TTC21A: variants seen among roughly 807,000 people sequenced by gnomAD.
TTC21A encodes tetratricopeptide repeat protein 21A.
TTC21A carries 128 observed loss-of-function variants against 156.4 expected under a neutral mutation model. The observed-to-expected ratio is 0.82, with a 90% CI of 0.71 to 0.95. The LOEUF is 0.95. Among genes scored for constraint, TTC21A ranks in the 40% least tolerant of loss-of-function variants. The pLI is 0.00. For missense variants in TTC21A, 1,435 were observed against 1,602.3 expected (o/e 0.90, Z 1.78); for synonymous variants, 587 against 617.1 (o/e 0.95, Z 0.72).
rs755470138 is a variant in TTC21A, at chr3:39,128,731, C to G, written c.1695C>G (p.Pro565=). Residue 565 remains proline (P), a synonymous_variant, in exon 14 of 29, where the codon CCC becomes CCG. Transcript: ENST00000683103. ...GCTCCTCCTAGGTCCGAGATCACCCCCTCTACCACCTCATCAAGGCCAGGG... is the reference window on the plus strand; with the variant it reads ...GCTCCTCCTAGGTCCGAGATCACCCGCTCTACCACCTCATCAAGGCCAGGG... ...VSHNFQVRDH[P]LYHLIKARAL... is the part of the protein sequence containing the mutation. 1.2e-6 allele frequency: 2 copies of G among 1,614,016 alleles called. No homozygotes were observed. The highest frequency in any genetic ancestry group is 1.1e-5 in the South Asian group (1 of 91,088).
At position 39,138,445 on chromosome 3, in the gene TTC21A, G is replaced by A. The variant is rs912467314; in HGVS notation, c.3796+58G>A. ...ACGTGGGAGGGAGGTGGGCAGGAGG[G>A]CCCCCACCATGACCCCAGAACTCAA... On this transcript the variant is annotated intron_variant, in intron 27 of 28. Transcript: ENST00000683103. 1.4e-5 allele frequency: 22 copies of A among 1,613,178 alleles called. No individual in the cohort carries two copies. The African/African-American group carries it at 2.8e-4, about 21-fold the overall frequency.
At position 39,136,436 on chromosome 3, in the gene TTC21A, A is replaced by T; in HGVS notation, c.3024A>T (p.Glu1008Asp). 6.2e-7 allele frequency: 1 copy of T among 1,614,226 alleles called. No homozygotes were observed. Among genetic ancestry groups the T allele is most frequent in the Non-Finnish European group, 8.5e-7 (1 of 1,180,030 alleles). ...TTGAAGACATTCCTGCCTTCTTTGA[A>T]TTGGCCAAGAAGGTGTCTAGCCGGG... ...GKLEDIPAFF[E>D]LAKKVSSRVP... Residue 1008 changes from glutamate to aspartate, a missense_variant, in exon 23 of 29, where the codon GAA becomes GAT. By Grantham distance (45) the Glu-to-Asp change is conservative. Coordinates refer to ENST00000683103, the MANE Select transcript of TTC21A (RefSeq NM_001366900.1).
chr3:39,113,107 T>C (rs1575498476), intron 5 of TTC21A, among the ~76,000 whole-genome samples: 2 of 152,262 alleles, frequency 1.3e-5, no homozygotes, highest in South Asian at 4.1e-4. Flanking sequence ...TCTGTTTGCA[T>C]ATATTTTTAT....
rs1234370952 is a variant in TTC21A, at chr3:39,136,213, AC to A, written c.2945-142del. On this transcript the variant is annotated intron_variant, in intron 22 of 28. Coordinates refer to ENST00000683103, the MANE Select transcript of TTC21A (RefSeq NM_001366900.1). ...TATTATTCTTTACTCAACCCTGGAG[AC>A]CAGTGGAGACTCTGGAGCTGTTGGA... is the stretch of plus-strand genomic sequence containing the variant. 2.3e-5 allele frequency: 17 copies of A among 723,684 alleles called. 1 individual carries two copies. The South Asian group carries it at 2.9e-4, about 13-fold the overall frequency. The allele number at this position is 723,684 out of a possible 1,614,324, so 44.8% of individuals were successfully genotyped here. A position where few individuals can be genotyped will look rare whatever the true frequency, so the allele number is the denominator to read the frequency against.
intron 19 of TTC21A, 171 bp from the exon 20 acceptor site, chr3:39,132,881 C>G: frequency 9.2e-6 from 6 of 650,834 alleles, no homozygotes; most frequent in Non-Finnish European, 1.6e-5. Flanking sequence ...GCCAGCTTGC[C>G]TCATGTGTAC....
intron 4 of TTC21A, among the ~76,000 whole-genome samples, chr3:39,111,531 C>T (rs1317897956): frequency 6.6e-6 from 1 of 152,162 alleles, no homozygotes; most frequent in East Asian, 1.9e-4. Context: ...TCATGCAGTG[C>T]AGCCCATATA....
intron 23 of TTC21A, 113 bp downstream of exon 23, chr3:39,136,620 C>G (rs142538520): frequency 3.7e-6 from 5 of 1,346,544 alleles, no homozygotes; most frequent in South Asian, 2.8e-5. Context: ...CCAGGACACC[C>G]GGACCCAGCA....
chr3:39,129,000 C>G, intron 14 of TTC21A, 68 bp downstream of exon 14: 2 of 1,606,258 alleles, frequency 1.2e-6, no homozygotes, highest in South Asian at 2.2e-5. Flanking sequence ...GGCCCAGGAA[C>G]CAGGTTCTTT....
In TTC21A at chr3:39,130,269, TATG is replaced by T; in HGVS notation, c.2235_2237del (p.Asp745del). On this transcript the variant is annotated inframe_deletion, in exon 17 of 29. Transcript: ENST00000683103. The surrounding 1 kb of genome is among the most constrained non-coding windows in gnomAD (Gnocchi z 4.5). Reference sequence around the variant, plus strand: ...CCAGCCCGAGAAGGCCCTGGAGGTCTATGATGAGGCCTATAGACAGAACCCACA... The same window carrying T: ...CCAGCCCGAGAAGGCCCTGGAGGTCTATGAGGCCTATAGACAGAACCCACA... The T allele has an allele frequency of 6.2e-7, 1 of 1,613,818 alleles. No individual in the cohort carries two copies. Among genetic ancestry groups the T allele is most frequent in the Non-Finnish European group, 8.5e-7 (1 of 1,179,864 alleles).
chr3:39,134,615 C>T lies in TTC21A; in HGVS notation c.2862+287C>T, dbSNP rs784493. On this transcript the variant is annotated intron_variant, in intron 21 of 28. Transcript: ENST00000683103. The surrounding 1 kb of genome is among the most constrained non-coding windows in gnomAD (Gnocchi z 4.6). Reference sequence around the variant, plus strand: ...CATTCACTGTAGGTGAAGGCAAGGGCGGGACAGGTTCCTGGGGCTTCAGGA... The same window carrying T: ...CATTCACTGTAGGTGAAGGCAAGGGTGGGACAGGTTCCTGGGGCTTCAGGA... 326,637 of 534,638 alleles carry T rather than the reference C, an allele frequency of 0.61. 104,870 individuals carry two copies. The highest frequency in any genetic ancestry group is 0.67 in the South Asian group (33,999 of 50,846). The allele number at this position is 534,638 out of a possible 1,614,324, so 33.1% of individuals were successfully genotyped here. A position where few individuals can be genotyped will look rare whatever the true frequency, so the allele number is the denominator to read the frequency against.
rs1385551733 is a variant in TTC21A at position 39,137,078 on chromosome 3, C to A, written c.3257+18C>A. On this transcript the variant is annotated intron_variant, in intron 24 of 28. Coordinates refer to ENST00000683103, the MANE Select transcript of TTC21A (RefSeq NM_001366900.1). ...GAGAGCAAGTAAGGGCCCATGGAGGCAGGGGCGGAACCCTGGGGAAGTTAC... is the reference window on the plus strand; with the variant it reads ...GAGAGCAAGTAAGGGCCCATGGAGGAAGGGGCGGAACCCTGGGGAAGTTAC... 9.3e-6 allele frequency: 15 copies of A among 1,612,096 alleles called. No individual in the cohort carries two copies. The highest frequency in any genetic ancestry group is 1.3e-5 in the Non-Finnish European group (15 of 1,178,872).
rs2038870156 is a variant in TTC21A, at chr3:39,133,240, G to A, written c.2751G>A (p.Lys917=). The change falls in exon 20 of 29, where the codon AAG becomes AAA. Residue 917 remains lysine (K), a splice_region_variant and synonymous_variant. Transcript: ENST00000683103. ...TCTCCTACTTGCCAACTGACAATAAGGTGAGTGGCCCTCAAAGCAAGAGGC... is the reference window on the plus strand; with the variant it reads ...TCTCCTACTTGCCAACTGACAATAAAGTGAGTGGCCCTCAAAGCAAGAGGC... The part of the protein sequence containing the change: ...DVFSYLPTDN[K]VMLELAQLYL... 4 of 1,611,434 alleles carry A rather than the reference G, an allele frequency of 2.5e-6. No homozygotes were observed. The highest frequency in any genetic ancestry group is 1.1e-5 in the South Asian group (1 of 90,952).
chr3:39,135,141 A>G lies in TTC21A; in HGVS notation c.2911A>G (p.Asn971Asp). The change falls in exon 22 of 29, where the codon AAT (asparagine) becomes GAT (aspartate). Residue 971 changes from asparagine (N) to aspartate (D), a missense_variant. Transcript: ENST00000683103. ...AAAACAGAAACATGAAGCGGCCATC[A>G]ATCTTTACCACCAAGTCTTGGAGAA... ...FRKQKHEAAI[N>D]LYHQVLEKAP... is the part of the protein sequence containing the mutation. 6.2e-7 allele frequency: 1 copy of G among 1,614,088 alleles called. No individual in the cohort carries two copies. The highest frequency in any genetic ancestry group is 8.5e-7 in the Non-Finnish European group (1 of 1,180,026).
At chr3:39,128,562 C>T (rs1481014131) in intron 13 of TTC21A, 74 bp downstream of exon 13, 4 of 1,598,802 alleles carry the variant, frequency 2.5e-6, no homozygotes, top group Admixed American at 1.7e-5. Flanking sequence ...CTGAGAGTAG[C>T]CCCAGGGGCT....
intron 12 of TTC21A, among the ~76,000 whole-genome samples, chr3:39,127,131 G>A (rs1381388839): frequency 6.6e-6 from 1 of 152,154 alleles, no homozygotes; most frequent in Non-Finnish European, 1.5e-5. Flanking sequence ...GAAAGGGAAG[G>A]AGAGGGAAAC....
intron 1 of TTC21A, 132 bp downstream of exon 1, chr3:39,107,996 C>T: frequency 2.7e-6 from 3 of 1,128,634 alleles, no homozygotes; most frequent in Non-Finnish European, 3.8e-6. Context: ...CCTTTTCTTG[C>T]CCCACTCCCC....
Position 39,134,924 on chromosome 3 carries a change from C to A in TTC21A, c.2863-169C>A. The stretch of plus-strand genomic sequence containing the variant: ...CCTTCTGGGTGGGGGCCTGAGAAAC[C>A]CTCAGGCTTCTCCTGTGGCAGCTTC... On this transcript the variant is annotated intron_variant, in intron 21 of 28. Transcript: ENST00000683103. The surrounding 1 kb of genome is among the most constrained non-coding windows in gnomAD (Gnocchi z 4.6). The A allele has an allele frequency of 1.6e-6, 1 of 631,402 alleles. No homozygotes were observed. The highest frequency in any genetic ancestry group is 4.3e-4 in the Middle Eastern group (1 of 2,320). 39.1% of individuals were successfully genotyped at this position (631,402 alleles called of 1,614,324 possible).
rs376166534 is a variant in TTC21A at position 39,128,455 on chromosome 3, C to T, written c.1647C>T (p.His549=). The change falls in exon 13 of 29, where the codon CAC becomes CAT. Residue 549 remains histidine (H), a synonymous_variant. Transcript: ENST00000683103. The part of the protein sequence containing the change: ...LAQGNFGMCF[H]CLELGVSHNF... ...AGGGCAACTTTGGCATGTGCTTCCA[C>T]TGCTTAGAGCTGGGTGTCAGCCACA... 6.2e-7 allele frequency: 1 copy of T among 1,614,184 alleles called. No homozygotes were observed. Among genetic ancestry groups the T allele is most frequent in the East Asian group, 2.2e-5 (1 of 44,888 alleles).
intron 9 of TTC21A, among the ~76,000 whole-genome samples, chr3:39,121,640 G>C (rs115100828): frequency 0.028 from 4,335 of 152,300 alleles, 93 homozygotes; most frequent in South Asian, 0.065. Context: ...ATATTTCCCT[G>C]TCTGTCCAGG....
Sources: allele counts gnomAD v4.1 joint callset (sites outside exome capture counted in the v4.1 genomes callset), GRCh38; gene constraint gnomAD v4.1.1; non-coding constraint Gnocchi (gnomAD v3.1); transcripts MANE v1.5; gene names NCBI Gene and HGNC (gene_info 2026-07-23, HGNC 2026-07-21).